The following ROBO2 variants were observed in gnomAD, a reference collection of about 807,000 sequenced individuals.
The protein encoded by ROBO2 is roundabout guidance receptor 2.
Under a neutral mutation model 160.8 loss-of-function variants are expected in ROBO2, and 53 were observed. That is an observed-to-expected ratio of 0.33 (90% CI 0.26 to 0.41). ROBO2 has a LOEUF of 0.41. Among genes scored for constraint, ROBO2 ranks in the 10% least tolerant of loss-of-function variants. The pLI is 1.00. For synonymous variants in ROBO2, 664 were observed against 611.7 expected, an observed-to-expected ratio of 1.09 and a Z score of -1.26; for missense variants, 1,577 against 1,722.4, an observed-to-expected ratio of 0.92 and a Z score of 1.49.
chr3:76,288,832 T>C (rs188410362), intron 2 of ROBO2, among the ~76,000 whole-genome samples: 50 of 152,360 alleles, frequency 3.3e-4, no homozygotes, highest in Non-Finnish European at 6.9e-4. Flanking sequence ...CATTCTTTTC[T>C]ATGGCTGCCT....
chr3:76,149,024 C>T (rs1249195825), intron 2 of ROBO2, among the ~76,000 whole-genome samples: 1 of 152,066 alleles, frequency 6.6e-6, no homozygotes, highest in East Asian at 1.9e-4. Context: ...CTCTTGATTC[C>T]CTGTCCCCTT....
chr3:76,164,547 A>C (rs1366022440), intron 2 of ROBO2, among the ~76,000 whole-genome samples: 1 of 152,202 alleles, frequency 6.6e-6, no homozygotes, highest in East Asian at 1.9e-4. Context: ...TGTGAAAACA[A>C]CGTTAATATC....
chr3:77,343,839 G>A (rs910172583), intron 2 of ROBO2, among the ~76,000 whole-genome samples: 4 of 152,140 alleles, frequency 2.6e-5, no homozygotes, highest in African/African-American at 9.7e-5. Flanking sequence ...ATGGGTGAAT[G>A]AGAGAGCTTT....
intron 2 of ROBO2, among the ~76,000 whole-genome samples, chr3:76,311,574 G>T (rs372601652): frequency 2.6e-5 from 4 of 152,284 alleles, no homozygotes; most frequent in South Asian, 4.1e-4. Flanking sequence ...CTAGAAAGAA[G>T]AATTTTCTGT....
intron 2 of ROBO2, among the ~76,000 whole-genome samples, chr3:77,229,048 A>T (rs1232316901): frequency 6.6e-6 from 1 of 152,184 alleles, no homozygotes; most frequent in South Asian, 2.1e-4. Flanking sequence ...ACCTCTCAGA[A>T]GCTTTTTTCA....
chr3:76,191,020 T>G (rs4856013), intron 2 of ROBO2, among the ~76,000 whole-genome samples: 6,828 of 152,184 alleles, frequency 0.045, 415 homozygotes, highest in East Asian at 0.22. Context: ...AATCGCACAT[T>G]AAGAGCGATT....
Position 77,112,607 on chromosome 3 carries a change from G to T in ROBO2, c.388+14267G>T, listed in dbSNP as rs568434281. 6.4e-4 allele frequency among the ~76,000 whole-genome samples: 97 copies of T among 152,194 alleles called. 2 individuals are homozygous for T. Among genetic ancestry groups the T allele is most frequent in the Admixed American group, 5.6e-3 (85 of 15,284 alleles). ...AAAAGCTAAAGGAATAGGAATTATT[G>T]TTCCAGGAGCATTAAAGACATCAGT... On this transcript the variant is annotated intron_variant, in intron 2 of 25. Coordinates refer to ENST00000461745, the Ensembl canonical transcript of ROBO2.
intron 2 of ROBO2, among the ~76,000 whole-genome samples, chr3:76,416,292 CT>C (rs1438743517): frequency 6.6e-6 from 1 of 151,994 alleles, no homozygotes; most frequent in Non-Finnish European, 1.5e-5. Context: ...AGTTTTGTGT[CT>C]TTTGAGTCAT....
intron 2 of ROBO2, among the ~76,000 whole-genome samples, chr3:76,669,603 G>A (rs1479510209): frequency 6.6e-6 from 1 of 152,108 alleles, no homozygotes; most frequent in East Asian, 1.9e-4. Context: ...TAAAAAGATA[G>A]ATAAGGAAGT....
chr3:76,428,501 T>C (rs938795304), intron 2 of ROBO2, among the ~76,000 whole-genome samples: 2 of 151,676 alleles, frequency 1.3e-5, no homozygotes, highest in South Asian at 2.1e-4. Context: ...AGATTTTCAC[T>C]GATAAAAGGA....
intron 2 of ROBO2, among the ~76,000 whole-genome samples, chr3:76,082,992 G>A (rs542031998): frequency 3.3e-4 from 50 of 152,218 alleles, no homozygotes; most frequent in Non-Finnish European, 5.7e-4. Flanking sequence ...TTTGGTGATG[G>A]CATATATGTA....
At chr3:76,070,181 C>T (rs970712889) in intron 2 of ROBO2, among the ~76,000 whole-genome samples, 7 of 152,160 alleles carry the variant, frequency 4.6e-5, no homozygotes, top group African/African-American at 1.7e-4. Context: ...CAGAGATAAC[C>T]TTAAACTCTG....
At chr3:77,167,751 A>G (rs2079230570) in intron 2 of ROBO2, among the ~76,000 whole-genome samples, 1 of 152,162 alleles carries the variant, frequency 6.6e-6, no homozygotes, top group Non-Finnish European at 1.5e-5. Flanking sequence ...TTTTTTTAAT[A>G]TGCTGAATTA....
chr3:77,437,499 C>T (rs1424955884), intron 2 of ROBO2, among the ~76,000 whole-genome samples: 3 of 151,758 alleles, frequency 2.0e-5, no homozygotes, highest in Non-Finnish European at 4.4e-5. Flanking sequence ...TATTAATTAA[C>T]AATTTATTTT....
At chr3:76,278,540 G>A (rs1046298425) in intron 2 of ROBO2, among the ~76,000 whole-genome samples, 2 of 151,870 alleles carry the variant, frequency 1.3e-5, no homozygotes, top group Non-Finnish European at 2.9e-5. Flanking sequence ...ACAAAGGAAC[G>A]GAAGCTTTTG....
rs13073433 is a variant in ROBO2, at chr3:75,922,665, C to T, written c.-13-14816C>T. On this transcript the variant is annotated intron_variant, in intron 1 of 26. Transcript: ENST00000487694. ...AAAACAATAGAGAGCATTATTGATA[C>T]GGAGTTAATATTTTAACAAAATTAT... Among the ~76,000 whole-genome samples, 800 of 152,060 alleles carry T rather than the reference C, an allele frequency of 5.3e-3. 38 individuals carry two copies. The East Asian group carries it at 0.12, about 23-fold the overall frequency.
intron 2 of ROBO2, among the ~76,000 whole-genome samples, chr3:76,000,947 CAT>C (rs1241122700): frequency 1.3e-5 from 2 of 152,088 alleles, no homozygotes. Flanking sequence ...GATTTTGACA[CAT>C]ATGGATCTAT....
At chr3:77,528,981 A>T (rs764871845) in intron 6 of ROBO2, among the ~76,000 whole-genome samples, 56 of 151,646 alleles carry the variant, frequency 3.7e-4, no homozygotes, top group Admixed American at 1.6e-3. Context: ...AATGAGAAAG[A>T]ATAAGATGAT....
intron 2 of ROBO2, among the ~76,000 whole-genome samples, chr3:77,446,304 T>C (rs1371017816): frequency 2.0e-5 from 3 of 151,998 alleles, no homozygotes; most frequent in Admixed American, 6.6e-5. Flanking sequence ...GCAGTTTATA[T>C]GCTCTTTCTT....
Sources: gnomAD v4.1 joint callset for allele counts (sites outside exome capture counted in the v4.1 genomes callset) on GRCh38, gnomAD v4.1.1 for gene constraint, MANE v1.5 for transcripts, NCBI Gene and HGNC (gene_info 2026-07-23, HGNC 2026-07-21) for gene names.